The following JAZF1 variants were observed in gnomAD, a reference collection of about 807,000 sequenced individuals.
JAZF1 encodes the protein JAZF zinc finger 1, also known as juxtaposed with another zinc finger protein 1.
Under a neutral mutation model 26.4 loss-of-function variants are expected in JAZF1, and 8 were observed. That is an observed-to-expected ratio of 0.30 (90% confidence interval 0.18 to 0.55). The LOEUF (loss-of-function observed/expected upper bound fraction) is 0.55. Among genes scored for constraint, JAZF1 ranks in the 20% least tolerant of loss-of-function variants. JAZF1 has a pLI of 0.94. For missense variants in JAZF1, 199 were observed against 322.0 expected, an observed-to-expected ratio of 0.62 and a Z score of 2.92; for synonymous variants, 126 against 122.3, an observed-to-expected ratio of 1.03 and a Z score of -0.20.
At chr7:28,153,240 G>C (rs1783135660) in intron 1 of JAZF1, among the ~76,000 whole-genome samples, 1 of 151,880 alleles carries the variant, frequency 6.6e-6, no homozygotes, top group Admixed American at 6.6e-5. Flanking sequence ...TGGGCTCTCA[G>C]AAAATGTTTG....
chr7:27,942,496 G>A (rs766609130), intron 2 of JAZF1, among the ~76,000 whole-genome samples: 7 of 152,196 alleles, frequency 4.6e-5, no homozygotes, highest in Non-Finnish European at 7.3e-5. Context: ...GTCACCATGG[G>A]GAGTGCTTCA....
At chr7:28,123,603 G>T (rs551895416) in intron 1 of JAZF1, among the ~76,000 whole-genome samples, 3 of 152,238 alleles carry the variant, frequency 2.0e-5, no homozygotes, top group Non-Finnish European at 2.9e-5. Context: ...TGCCCATTGT[G>T]TGCTGGCCAC....
intron 3 of JAZF1, among the ~76,000 whole-genome samples, chr7:27,849,656 T>C (rs1783102044): frequency 6.6e-6 from 1 of 151,920 alleles, no homozygotes; most frequent in Non-Finnish European, 1.5e-5. Context: ...AACAAATATA[T>C]TCCACAGGAT....
chr7:27,927,036 A>G (rs1444000333), intron 2 of JAZF1, among the ~76,000 whole-genome samples: 1 of 152,098 alleles, frequency 6.6e-6, no homozygotes, highest in Admixed American at 6.5e-5. Context: ...TTCCATCTTC[A>G]TGGTGTTGCC....
At position 28,015,445 on chromosome 7, in the gene JAZF1, C is replaced by T. The variant is rs73301398; in HGVS notation, c.116-23464G>A. Among the ~76,000 whole-genome samples the T allele has an allele frequency of 9.7e-4, 148 of 152,134 alleles. 3 individuals carry two copies. The East Asian group carries it at 0.025, about 26-fold the overall frequency. ...TAAGACATTAATAATAGGGAAAACT[C>T]GGCATGGGAATATATAAGAACTGTA... On this transcript the variant is annotated intron_variant, in intron 1 of 4. Transcript: ENST00000283928.
At chr7:27,915,499 T>C (rs539514604) in intron 2 of JAZF1, among the ~76,000 whole-genome samples, 1 of 152,230 alleles carries the variant, frequency 6.6e-6, no homozygotes, top group Non-Finnish European at 1.5e-5. Flanking sequence ...AAGTGTTATA[T>C]TCCAGGTATC....
chr7:27,991,408 T>C (rs1401418031), intron 2 of JAZF1, among the ~76,000 whole-genome samples: 1 of 152,206 alleles, frequency 6.6e-6, no homozygotes, highest in African/African-American at 2.4e-5. Flanking sequence ...TGGGCTCACA[T>C]GTTCAGTTTA....
chr7:28,109,370 G>A (rs757323390), intron 1 of JAZF1, among the ~76,000 whole-genome samples: 2 of 151,896 alleles, frequency 1.3e-5, no homozygotes, highest in Non-Finnish European at 2.9e-5. Context: ...AATAAAGCGG[G>A]GAAAAATAAA....
At chr7:27,845,711 A>AAAAAAG (rs1554328474) in intron 3 of JAZF1, among the ~76,000 whole-genome samples, 3 of 137,704 alleles carry the variant, frequency 2.2e-5, no homozygotes, top group East Asian at 2.1e-4. Context: ...AAAAAAAAAA[A>AAAAAAG]AAAGAAAAGA....
At chr7:28,030,207 G>A (rs1233932131) in intron 1 of JAZF1, among the ~76,000 whole-genome samples, 1 of 152,204 alleles carries the variant, frequency 6.6e-6, no homozygotes, top group Non-Finnish European at 1.5e-5. Flanking sequence ...TACAGATACA[G>A]AACACAGCCT....
intron 1 of JAZF1, among the ~76,000 whole-genome samples, chr7:27,994,085 A>T (rs904839958): frequency 6.6e-6 from 1 of 151,836 alleles, no homozygotes; most frequent in Non-Finnish European, 1.5e-5. Flanking sequence ...CTTGATTTTT[A>T]TTTTTTCCCG....
intron 2 of JAZF1, among the ~76,000 whole-genome samples, chr7:27,977,765 C>T (rs917760198): frequency 2.0e-5 from 3 of 152,180 alleles, no homozygotes; most frequent in Admixed American, 6.5e-5. Flanking sequence ...TTAGTTGTGC[C>T]GATTCTGACC....
At chr7:28,076,406 C>T (rs533653111) in intron 1 of JAZF1, among the ~76,000 whole-genome samples, 1 of 152,254 alleles carries the variant, frequency 6.6e-6, no homozygotes, top group East Asian at 1.9e-4. Flanking sequence ...ACCACCCATA[C>T]ACTTGGGGTA....
chr7:28,049,091 CTT>C (rs1491297260), intron 1 of JAZF1, among the ~76,000 whole-genome samples: 3 of 129,528 alleles, frequency 2.3e-5, no homozygotes, highest in African/African-American at 8.7e-5. Context: ...CTCTCTCTCT[CTT>C]TCTTTCTTTG....
intron 1 of JAZF1, among the ~76,000 whole-genome samples, chr7:28,162,873 A>G (rs1227601755): frequency 6.6e-6 from 1 of 152,238 alleles, no homozygotes; most frequent in Non-Finnish European, 1.5e-5. Flanking sequence ...GTTTTTAGGA[A>G]TAATCTAATC....
At chr7:27,846,738 C>T (rs377454036) in intron 3 of JAZF1, among the ~76,000 whole-genome samples, 1 of 152,196 alleles carries the variant, frequency 6.6e-6, no homozygotes, top group African/African-American at 2.4e-5. Flanking sequence ...TCCTGTTGGC[C>T]ATTTTTATGG....
At chr7:28,025,351 G>A (rs1027177998) in intron 1 of JAZF1, among the ~76,000 whole-genome samples, 11 of 152,294 alleles carry the variant, frequency 7.2e-5, no homozygotes, top group Admixed American at 2.0e-4. Context: ...TAGGTAATAC[G>A]TTCTCCATAC....
At chr7:28,103,651 G>GTTTC (rs1337537997) in intron 1 of JAZF1, among the ~76,000 whole-genome samples, 2 of 151,954 alleles carry the variant, frequency 1.3e-5, no homozygotes, top group Non-Finnish European at 2.9e-5. Flanking sequence ...GTCATCCTTG[G>GTTTC]TTTCTTTCTT....
Position 28,009,612 on chromosome 7 carries a change from T to C in JAZF1, c.116-17631A>G, listed in dbSNP as rs190847042. ...AATTCTCCTGCCTCAGCCTCCCGAG[T>C]AGGTGGGACTACAGGCGCATGTCAC... On this transcript the variant is annotated intron_variant, in intron 1 of 4. Transcript: ENST00000283928. Among the ~76,000 whole-genome samples, 717 of 151,828 alleles carry C rather than the reference T, an allele frequency of 4.7e-3. 15 individuals are homozygous for C. Among genetic ancestry groups the C allele is most frequent in the Middle Eastern group, 3.4e-3 (1 of 292 alleles).
Sources: gnomAD v4.1 joint callset for allele counts (sites outside exome capture counted in the v4.1 genomes callset) on GRCh38, gnomAD v4.1.1 for gene constraint, MANE v1.5 for transcripts, NCBI Gene and HGNC (gene_info 2026-07-23, HGNC 2026-07-21) for gene names.